Variants in PAK4 observed in about 807,000 individuals in gnomAD.
PAK4 encodes p21 (RAC1) activated kinase 4, also known as serine/threonine-protein kinase PAK 4.
PAK4 carries 49 observed loss-of-function variants against 53.5 expected under a neutral mutation model. That is an observed-to-expected ratio of 0.92 (90% CI 0.73 to 1.16). PAK4 has a LOEUF of 1.16. Among genes scored for constraint, PAK4 ranks in the 50% most tolerant of loss-of-function variants. The pLI, the probability that PAK4 is intolerant of heterozygous loss-of-function variation, is 0.00. For missense variants in PAK4, 824 were observed against 850.7 expected, an observed-to-expected ratio of 0.97 and a Z score of 0.39; for synonymous variants, 376 against 375.6, an observed-to-expected ratio of 1.00 and a Z score of -0.01.
At chr19:39,146,250 T>G (rs1318957372) in intron 1 of PAK4, among the ~76,000 whole-genome samples, 2 of 151,804 alleles carry the variant, frequency 1.3e-5, no homozygotes, top group Non-Finnish European at 2.9e-5. Flanking sequence ...CAGAGTGACC[T>G]TGGAAAGCAC....
exon 8 of PAK4, chr19:39,177,744 C>G: frequency 6.2e-7 from 1 of 1,613,560 alleles, no homozygotes; most frequent in Non-Finnish European, 8.5e-7. Context: ...CTTCAACGAG[C>G]CACCCCTCAA....
intron 1 of PAK4, among the ~76,000 whole-genome samples, chr19:39,155,982 A>G (rs1243723061): frequency 6.6e-6 from 1 of 152,006 alleles, no homozygotes; most frequent in Non-Finnish European, 1.5e-5. Context: ...AGGCGGCGCC[A>G]GCATGGCGTT....
At chr19:39,137,648 G>C (rs2073839506) in intron 1 of PAK4, among the ~76,000 whole-genome samples, 1 of 152,034 alleles carries the variant, frequency 6.6e-6, no homozygotes, top group African/African-American at 2.4e-5. Flanking sequence ...TGTGAAGGAA[G>C]GGCCAGTTCA....
intron 1 of PAK4, among the ~76,000 whole-genome samples, chr19:39,148,572 A>G (rs1273694757): frequency 7.4e-6 from 1 of 135,014 alleles, no homozygotes; most frequent in African/African-American, 2.8e-5. Context: ...CTTCTGCTTC[A>G]GCCTCCCAAG....
intron 1 of PAK4, among the ~76,000 whole-genome samples, chr19:39,147,319 A>G (rs2074017336): frequency 2.0e-5 from 3 of 152,338 alleles, no homozygotes; most frequent in African/African-American, 2.4e-5. Flanking sequence ...CTGGAGGTGC[A>G]TCCGCATTGT....
intron 1 of PAK4, among the ~76,000 whole-genome samples, chr19:39,130,415 C>T (rs532831189): frequency 2.6e-5 from 4 of 151,882 alleles, no homozygotes; most frequent in East Asian, 1.9e-4. Flanking sequence ...TGTGGCCCAG[C>T]GTGGGGAGTT....
intron 1 of PAK4, among the ~76,000 whole-genome samples, chr19:39,165,551 T>A (rs1038526807): frequency 3.4e-4 from 41 of 122,150 alleles, no homozygotes; most frequent in African/African-American, 1.1e-3. Flanking sequence ...AATAAATAAA[T>A]AAAATAATAA....
In PAK4 at chr19:39,173,293, G is replaced by T. The variant is rs1174163765; in HGVS notation, c.580G>T (p.Ala194Ser). Residue 194 changes from alanine (A) to serine (S), a missense_variant, in exon 3 of 9, where the codon GCC (alanine) becomes TCC (serine). Coordinates refer to ENST00000358301, the Ensembl canonical transcript of PAK4. The surrounding 1 kb of genome is among the most constrained non-coding windows in gnomAD (Gnocchi z 6.9). ...CGGCACCCCCCAGCCTGCTGGTCTG[G>T]CCAGTGGGGCGAAACTGGCAGCTGG... 6.2e-7 allele frequency: 1 copy of T among 1,603,652 alleles called. No individual in the cohort carries two copies. The highest frequency in any genetic ancestry group is 8.5e-7 in the Non-Finnish European group (1 of 1,175,188).
At chr19:39,145,979 G>C (rs1254879440) in intron 1 of PAK4, among the ~76,000 whole-genome samples, 1 of 152,336 alleles carries the variant, frequency 6.6e-6, no homozygotes, top group East Asian at 1.9e-4. Context: ...ACCTCTGTTG[G>C]CCTCAGTTTC....
In PAK4 at chr19:39,175,048, A is replaced by G; in HGVS notation, c.1216A>G (p.Ile406Val). The G allele has an allele frequency of 1.2e-6, 2 of 1,611,814 alleles. No homozygotes were observed. Among genetic ancestry groups the G allele is most frequent in the Non-Finnish European group, 1.7e-6 (2 of 1,178,844 alleles). The stretch of plus-strand genomic sequence containing the variant: ...CCTGGAAGGAGGCGCCCTCACCGAC[A>G]TCGTCACCCACACCAGGTATTTCTG... Residue 406 changes from isoleucine to valine, a missense_variant, in exon 5 of 9, where the codon ATC becomes GTC. Physicochemically the swap from Ile to Val is conservative, Grantham distance 29. This residue lies in a region of PAK4 where 346 missense variants were observed against 415.0 expected (regional missense o/e 0.83). Transcript: ENST00000358301. This position sits in a 1 kb window ranked among gnomAD's most constrained non-coding sequence, Gnocchi z 4.7.
intron 1 of PAK4, 47 bp from the exon 3 acceptor site, chr19:39,169,485 G>A (rs748436733): frequency 1.6e-5 from 21 of 1,350,298 alleles, no homozygotes; most frequent in Middle Eastern, 3.7e-4. Flanking sequence ...AGAGGAGGAA[G>A]AGACATGGGC....
At chr19:39,142,743 G>C (rs1003804007) in intron 1 of PAK4, among the ~76,000 whole-genome samples, 1 of 152,168 alleles carries the variant, frequency 6.6e-6, no homozygotes, top group African/African-American at 2.4e-5. Context: ...AGAACAGAGT[G>C]GTCTCCCACC....
intron 1 of PAK4, among the ~76,000 whole-genome samples, chr19:39,160,047 C>G (rs1600371199): frequency 6.6e-6 from 1 of 152,230 alleles, no homozygotes; most frequent in African/African-American, 2.4e-5. Flanking sequence ...GGTGGGCCCC[C>G]CTGCAGTGGG....
rs1464954181 is a variant in PAK4, at chr19:39,178,228, T to C, written c.1621-196T>C. ...GTTTGTCACTTCCTCTGGGGCCACA[T>C]AGTAAGCGCCATCACAGGTGCCATC... On this transcript the variant is annotated intron_variant, in intron 8 of 8. Coordinates refer to ENST00000358301, the Ensembl canonical transcript of PAK4. The surrounding 1 kb of genome is among the most constrained non-coding windows in gnomAD (Gnocchi z 4.4). Among the ~76,000 whole-genome samples the C allele has an allele frequency of 6.6e-6, 1 of 152,044 alleles. No homozygotes were observed. Among genetic ancestry groups the C allele is most frequent in the East Asian group, 1.9e-4 (1 of 5,186 alleles).
chr19:39,160,602 G>C (rs921903076), intron 1 of PAK4, among the ~76,000 whole-genome samples: 1 of 152,238 alleles, frequency 6.6e-6, no homozygotes, highest in Non-Finnish European at 1.5e-5. Context: ...AGGCCCGGAG[G>C]CTGGAACAGC....
chr19:39,159,873 C>T (rs2074255361), intron 1 of PAK4, among the ~76,000 whole-genome samples: 1 of 152,248 alleles, frequency 6.6e-6, no homozygotes, highest in Admixed American at 6.5e-5. Context: ...GCTGCTGAAT[C>T]CAGGCCCCAC....
At chr19:39,132,788 C>A (rs1475841503) in intron 1 of PAK4, among the ~76,000 whole-genome samples, 1 of 152,214 alleles carries the variant, frequency 6.6e-6, no homozygotes, top group African/African-American at 2.4e-5. Flanking sequence ...CTGATGACAC[C>A]GGGGTTTCCT....
At chr19:39,169,956 A>C (rs546431445) in intron 2 of PAK4, among the ~76,000 whole-genome samples, 199 bp downstream of exon 3, 1 of 132,286 alleles carries the variant, frequency 7.6e-6, no homozygotes, top group African/African-American at 2.7e-5. Context: ...CTAAGAACCC[A>C]TGCCACCCCA....
intron 1 of PAK4, among the ~76,000 whole-genome samples, chr19:39,130,190 G>A (rs962671074): frequency 4.7e-5 from 7 of 150,032 alleles, no homozygotes; most frequent in Non-Finnish European, 1.0e-4. Flanking sequence ...GGGTCATGGC[G>A]GGATGGGAGC....
Sources: allele counts gnomAD v4.1 joint callset (sites outside exome capture counted in the v4.1 genomes callset), GRCh38; gene constraint gnomAD v4.1.1; regional missense constraint gnomAD v4.1.1; non-coding constraint Gnocchi (gnomAD v3.1); transcripts MANE v1.5; gene names NCBI Gene and HGNC (gene_info 2026-07-23, HGNC 2026-07-21).